Variants in BAZ1B observed in about 807,000 individuals in gnomAD.
BAZ1B encodes the protein bromodomain adjacent to zinc finger domain 1B, also known as tyrosine-protein kinase BAZ1B.
In BAZ1B, 22 loss-of-function variants were observed where a neutral mutation model predicts 153.8. The ratio of observed to expected loss-of-function variants is 0.14; its 90% CI spans 0.10 to 0.20. BAZ1B has a LOEUF of 0.20. BAZ1B is among the 10% of genes least tolerant of loss of function. The probability of loss-of-function intolerance (pLI) is 1.00; values close to 1 mark genes in which losing one functional copy is unlikely to be tolerated. For missense variants in BAZ1B, 1,325 were observed against 1,799.3 expected (o/e 0.74, Z 4.77); for synonymous variants, 676 against 633.4 (o/e 1.07, Z -1.01).
At chr7:73,494,891 T>C (rs1405319849) in intron 4 of BAZ1B, among the ~76,000 whole-genome samples, 2 of 152,228 alleles carry the variant, frequency 1.3e-5, no homozygotes, top group Non-Finnish European at 2.9e-5. Context: ...GGATGGACGG[T>C]GAGCCAAGTA....
chr7:73,508,273 G>A (rs1330674343), intron 3 of BAZ1B, 54 bp downstream of exon 3: 39 of 1,579,676 alleles, frequency 2.5e-5, no homozygotes, highest in Non-Finnish European at 2.8e-5. Flanking sequence ...TGTAACCTAC[G>A]ATGACAGCTC....
chr7:73,497,085 C>CAAAAAAAAAAAAAAAAAAAA (rs1789939143), intron 4 of BAZ1B, among the ~76,000 whole-genome samples: 2 of 106,406 alleles, frequency 1.9e-5, no homozygotes, highest in African/African-American at 8.4e-5. Flanking sequence ...AAAAAAAAAC[C>CAAAAAAAAAAAAAAAAAAAA]TACAAAAATT....
intron 3 of BAZ1B, among the ~76,000 whole-genome samples, chr7:73,503,976 A>G (rs980645635): frequency 1.3e-5 from 2 of 152,126 alleles, no homozygotes; most frequent in African/African-American, 2.4e-5. Flanking sequence ...CTCTTCAACA[A>G]CAGCAGCTAC....
chr7:73,456,431 C>A (rs1788201789), intron 13 of BAZ1B, among the ~76,000 whole-genome samples: 1 of 152,042 alleles, frequency 6.6e-6, no homozygotes, highest in African/African-American at 2.4e-5. Flanking sequence ...TTATCAAGGA[C>A]ATATAAAGAA....
chr7:73,455,804 G>A (rs1788176136), intron 13 of BAZ1B, among the ~76,000 whole-genome samples: 1 of 152,130 alleles, frequency 6.6e-6, no homozygotes, highest in Admixed American at 6.6e-5. Flanking sequence ...AATCAGAAAA[G>A]AGCAAATATG....
At chr7:73,515,756 G>A (rs1465324307) in intron 1 of BAZ1B, among the ~76,000 whole-genome samples, 1 of 151,994 alleles carries the variant, frequency 6.6e-6, no homozygotes, top group Non-Finnish European at 1.5e-5. Flanking sequence ...TGTCCAGGCT[G>A]ACCTCAAATT....
intron 2 of BAZ1B, 22 bp from the exon 3 acceptor site, chr7:73,508,493 T>G (rs374481963): frequency 6.3e-7 from 1 of 1,587,868 alleles, no homozygotes; most frequent in African/African-American, 1.4e-5. Context: ...TAATTAGTTA[T>G]CAAGAAAACA....
At position 73,510,182 on chromosome 7, in the gene BAZ1B, C is replaced by T. The variant is rs549047956; in HGVS notation, c.224+554G>A. On this transcript the variant is annotated intron_variant, in intron 2 of 19. Coordinates refer to ENST00000339594, the MANE Select transcript of BAZ1B (RefSeq NM_032408.4). ...CGGTAGCTCACGCCTGTAATCCCAG[C>T]ACTTTGGGAGGCCAAGGCGGGAGGA... 5.3e-5 allele frequency among the ~76,000 whole-genome samples: 8 copies of T among 151,894 alleles called. No individual in the cohort carries two copies. In the South Asian group the frequency reaches 1.7e-3, roughly 32 times the overall value.
intron 6 of BAZ1B, 45 bp from the exon 7 acceptor site, chr7:73,478,614 C>A: frequency 7.0e-7 from 1 of 1,423,126 alleles, no homozygotes; most frequent in Non-Finnish European, 9.4e-7. Flanking sequence ...AAATCTAAAA[C>A]TAACTTAAGC....
chr7:73,508,288 T>G (rs782003683), intron 3 of BAZ1B, 39 bp downstream of exon 3: 2 of 1,602,916 alleles, frequency 1.2e-6, no homozygotes, highest in South Asian at 2.2e-5. Flanking sequence ...CAGCTCTAAT[T>G]CTGATGGTAA....
At chr7:73,451,112 T>C (rs1788013981) in intron 13 of BAZ1B, 118 bp from the exon 14 acceptor site, 1 of 1,269,218 alleles carries the variant, frequency 7.9e-7, no homozygotes, top group East Asian at 2.5e-5. Context: ...AGAACTTCAC[T>C]AATCTAAACC....
At chr7:73,444,802 G>C (rs1554566033) in intron 16 of BAZ1B, among the ~76,000 whole-genome samples, 117 of 151,978 alleles carry the variant, frequency 7.7e-4, no homozygotes, top group African/African-American at 2.7e-3. Flanking sequence ...ATCACCTGAG[G>C]TCGGGAGTTC....
intron 6 of BAZ1B, among the ~76,000 whole-genome samples, chr7:73,488,685 A>G (rs1280657154): frequency 1.3e-5 from 2 of 150,558 alleles, no homozygotes; most frequent in Non-Finnish European, 3.0e-5. Context: ...ACTGCACTCC[A>G]GCCTGGGTGA....
At chr7:73,481,808 C>T (rs1447800455) in intron 6 of BAZ1B, among the ~76,000 whole-genome samples, 1 of 152,074 alleles carries the variant, frequency 6.6e-6, no homozygotes, top group Non-Finnish European at 1.5e-5. Context: ...AAGGCTGAGG[C>T]GGGCAGATCA....
chr7:73,491,830 C>T (rs1194136564), intron 5 of BAZ1B, among the ~76,000 whole-genome samples: 1 of 152,170 alleles, frequency 6.6e-6, no homozygotes, highest in African/African-American at 2.4e-5. Flanking sequence ...GCTGTTTCTT[C>T]TGTAAAATGG....
chr7:73,473,833 A>G (rs781882961), intron 7 of BAZ1B, among the ~76,000 whole-genome samples: 5 of 152,166 alleles, frequency 3.3e-5, no homozygotes, highest in Non-Finnish European at 5.9e-5. Context: ...GCGTGCTGAC[A>G]CATGCCTGTA....
intron 10 of BAZ1B, among the ~76,000 whole-genome samples, chr7:73,465,849 T>C (rs1300440317): frequency 1.3e-5 from 2 of 152,140 alleles, no homozygotes; most frequent in Non-Finnish European, 2.9e-5. Context: ...AAATGAAAGG[T>C]CATTAAATCA....
In BAZ1B at chr7:73,478,483, A is replaced by T; in HGVS notation, c.978T>A (p.Ser326=). Reference sequence around the variant, plus strand: ...TAGGATTTAGTGGTGAACTAAGAGAAGAGTTGTCTGTCTTGGATTTCTTTG... The same window carrying T: ...TAGGATTTAGTGGTGAACTAAGAGATGAGTTGTCTGTCTTGGATTTCTTTG... ...KPSKKSKTDN[S]SLSSPLNPKL... The change falls in exon 7 of 20, where the codon TCT becomes TCA. Residue 326 remains serine, a synonymous_variant. Transcript: ENST00000339594. 2 of 1,609,270 alleles carry T rather than the reference A, an allele frequency of 1.2e-6. No individual in the cohort carries two copies. Among genetic ancestry groups the T allele is most frequent in the Non-Finnish European group, 1.7e-6 (2 of 1,178,082 alleles).
intron 9 of BAZ1B, among the ~76,000 whole-genome samples, chr7:73,467,907 A>G (rs1788657019): frequency 6.6e-6 from 1 of 152,178 alleles, no homozygotes; most frequent in African/African-American, 2.4e-5. Flanking sequence ...AGTCTAACGA[A>G]ACCAGATTCT....
Sources: allele counts gnomAD v4.1 joint callset (sites outside exome capture counted in the v4.1 genomes callset), GRCh38; gene constraint gnomAD v4.1.1; transcripts MANE v1.5; gene names NCBI Gene and HGNC (gene_info 2026-07-23, HGNC 2026-07-21).